The following COL9A1 variants were observed in gnomAD, a reference collection of about 807,000 sequenced individuals.
The protein encoded by COL9A1 is collagen type IX alpha 1 chain, also known as collagen alpha-1(IX) chain.
COL9A1 carries 104 observed loss-of-function variants against 142.6 expected under a neutral mutation model. The observed-to-expected ratio is 0.73, with a 90% CI of 0.62 to 0.86. The LOEUF (loss-of-function observed/expected upper bound fraction) is 0.86. Among genes scored for constraint, COL9A1 ranks in the 40% least tolerant of loss-of-function variants. The probability of loss-of-function intolerance (pLI) is 0.00; values close to 1 mark genes in which losing one functional copy is unlikely to be tolerated. For missense variants in COL9A1, 1,210 were observed against 1,176.6 expected, an observed-to-expected ratio of 1.03 and a Z score of -0.42; for synonymous variants, 466 against 396.0, an observed-to-expected ratio of 1.18 and a Z score of -2.10.
At chr6:70,217,160 C>A in intron 37 of COL9A1, 79 bp from the exon 38 acceptor site, 1 of 1,445,416 alleles carries the variant, frequency 6.9e-7, no homozygotes, top group Admixed American at 1.7e-5. Flanking sequence ...GGCTCAGCAG[C>A]GCTCAGATAA....
At chr6:70,253,559 G>A (rs570845083) in intron 25 of COL9A1, 130 bp from the exon 26 acceptor site, 7 of 706,132 alleles carry the variant, frequency 9.9e-6, no homozygotes, top group Middle Eastern at 2.5e-4. Context: ...TAAGGAAGAT[G>A]CTTCCTAGTT....
rs753066201 is a variant in COL9A1 at position 70,241,456 on chromosome 6, T to G, written c.1999-2A>C. The G allele has an allele frequency of 6.2e-7, 1 of 1,608,260 alleles. No homozygotes were observed. The highest frequency in any genetic ancestry group is 2.2e-5 in the East Asian group (1 of 44,864). On this transcript the variant is annotated splice_acceptor_variant, in intron 30 of 37. Coordinates refer to ENST00000357250, the MANE Select transcript of COL9A1 (RefSeq NM_001851.6). LOFTEE classifies it high-confidence loss of function. The stretch of plus-strand genomic sequence containing the variant: ...TGGACCCGGTTCACCGACTACACCC[T>G]GTAATAAATAAAATATAATACTTTT...
intron 4 of COL9A1, among the ~76,000 whole-genome samples, chr6:70,296,432 AATTATACAAGAACCATTGACTGACCT>A (rs1285958539): frequency 6.6e-6 from 1 of 152,128 alleles, no homozygotes; most frequent in African/African-American, 2.4e-5. Context: ...TACAGAAAAA[AATTATACAAGAACCATTGACTGACCT>A]ATTTTCCCCA....
At chr6:70,246,988 C>A (rs777943946) in intron 28 of COL9A1, among the ~76,000 whole-genome samples, 57 of 152,122 alleles carry the variant, frequency 3.7e-4, no homozygotes, top group Non-Finnish European at 7.1e-4. Context: ...ACATAAATCA[C>A]TTAGAACTAT....
chr6:70,216,855 C>T lies in COL9A1; in HGVS notation c.*42G>A. ...GGTGTTTCTCACCCAGGCTCCTTCACCAGGCGTGGTTCATGCAGACAGCCA... is the reference window on the plus strand; with the variant it reads ...GGTGTTTCTCACCCAGGCTCCTTCATCAGGCGTGGTTCATGCAGACAGCCA... On this transcript the variant is annotated 3_prime_UTR_variant, in exon 38 of 38. Transcript: ENST00000357250. 2 of 1,609,286 alleles carry T rather than the reference C, an allele frequency of 1.2e-6. No individual in the cohort carries two copies. The highest frequency in any genetic ancestry group is 1.7e-6 in the Non-Finnish European group (2 of 1,176,790).
rs1768520997 is a variant in COL9A1 at position 70,216,653 on chromosome 6, T to C, written c.*244A>G. On this transcript the variant is annotated 3_prime_UTR_variant, in exon 38 of 38. Transcript: ENST00000357250. ...TTTATTCAAGGGAGGTGTTTGGTTT[T>C]CTTTTTTTTTTTTTAACTGATGACT... 9.6e-6 allele frequency: 5 copies of C among 521,586 alleles called. No individual in the cohort carries two copies. The highest frequency in any genetic ancestry group is 1.4e-5 in the Non-Finnish European group (4 of 293,120). The allele number at this position is 521,586 out of a possible 1,614,324, so 32.3% of individuals were successfully genotyped here. A position where few individuals can be genotyped will look rare whatever the true frequency, so the allele number is the denominator to read the frequency against.
At chr6:70,275,595 G>T (rs946513395) in intron 10 of COL9A1, among the ~76,000 whole-genome samples, 3 of 151,784 alleles carry the variant, frequency 2.0e-5, no homozygotes. Flanking sequence ...TATAAAACAC[G>T]TATTAAAGAA....
In COL9A1 at chr6:70,251,323, T is replaced by A. The variant is rs150331712; in HGVS notation, c.1872+797A>T. Among the ~76,000 whole-genome samples the A allele has an allele frequency of 1.5e-4, 23 of 152,068 alleles. No individual in the cohort carries two copies. The East Asian group carries it at 3.7e-3, about 24-fold the overall frequency. On this transcript the variant is annotated intron_variant, in intron 28 of 37. Transcript: ENST00000357250. ...ATTTTGGGAAGCTGAGGCAGAAGGA[T>A]CTCTTGAAGCCGGGAGTTCAAGACC...
Position 70,217,094 on chromosome 6 carries a change from G to A in COL9A1, c.2582-13C>T. On this transcript the variant is annotated splice_polypyrimidine_tract_variant and intron_variant, in intron 37 of 37. Transcript: ENST00000357250. ...GGGCCTGGGTCACCTGAAACACACA[G>A]AAGATTGCACATGTGAACAGGAGAA... 1 of 1,613,724 alleles carries A rather than the reference G, an allele frequency of 6.2e-7. No individual in the cohort carries two copies. Among genetic ancestry groups the A allele is most frequent in the East Asian group, 2.2e-5 (1 of 44,880 alleles).
At position 70,294,512 on chromosome 6, in the gene COL9A1, A is replaced by T; in HGVS notation, c.351T>A (p.Phe117Leu). The part of the protein sequence containing the change: ...LPEEYSFLTT[F>L]RMTGSTLKKN... Reference sequence around the variant, plus strand: ...TTTTGAGAGTGCTTCCAGTCATTCGAAACGTCGTCAAGAAGGAGTATTCTT... The same window carrying T: ...TTTTGAGAGTGCTTCCAGTCATTCGTAACGTCGTCAAGAAGGAGTATTCTT... The change falls in exon 5 of 38, where the codon TTT becomes TTA. Residue 117 changes from phenylalanine to leucine, a missense_variant. Physicochemically the swap from Phe to Leu is conservative, Grantham distance 22. Coordinates refer to ENST00000357250, the MANE Select transcript of COL9A1 (RefSeq NM_001851.6). 6.2e-7 allele frequency: 1 copy of T among 1,614,092 alleles called. No individual in the cohort carries two copies. Among genetic ancestry groups the T allele is most frequent in the Non-Finnish European group, 8.5e-7 (1 of 1,179,962 alleles).
chr6:70,216,996 A>C lies in COL9A1; in HGVS notation c.2667T>G (p.Pro889=). ...PPGVAGIPGV[P]GPPGPPGLPG... ...GAAGCCCAGGAGGTCCCGGGGGTCC[A>C]GGCACTCCAGGAATTCCTGCCACCC... Residue 889 remains proline, a synonymous_variant, in exon 38 of 38, where the codon CCT becomes CCG. Transcript: ENST00000357250. 1.2e-6 allele frequency: 2 copies of C among 1,614,092 alleles called. No homozygotes were observed. Among genetic ancestry groups the C allele is most frequent in the Non-Finnish European group, 1.7e-6 (2 of 1,179,986 alleles).
chr6:70,269,896 G>A (rs2127589433), intron 15 of COL9A1, among the ~76,000 whole-genome samples: 1 of 152,250 alleles, frequency 6.6e-6, no homozygotes, highest in Non-Finnish European at 1.5e-5. Flanking sequence ...AACGAAATAA[G>A]AGGCAAAATA....
At chr6:70,254,337 T>C in intron 25 of COL9A1, 139 bp downstream of exon 25, 1 of 703,366 alleles carries the variant, frequency 1.4e-6, no homozygotes, top group Non-Finnish European at 2.4e-6. Flanking sequence ...AAAATACAAA[T>C]GTAAATTGTA....
At chr6:70,241,491 T>C in intron 30 of COL9A1, 37 bp from the exon 31 acceptor site, 1 of 1,564,322 alleles carries the variant, frequency 6.4e-7, no homozygotes, top group Non-Finnish European at 8.8e-7. Context: ...TTCAGTATTT[T>C]CAACTGTTTA....
At chr6:70,292,320 T>A (rs1773690902) in intron 5 of COL9A1, among the ~76,000 whole-genome samples, 1 of 152,322 alleles carries the variant, frequency 6.6e-6, no homozygotes, top group East Asian at 1.9e-4. Flanking sequence ...AGGAAGACAC[T>A]TGTACATGAT....
chr6:70,215,697 C>T (rs1768457886), downstream of COL9A1: 1 of 152,124 alleles, frequency 6.6e-6, no homozygotes, highest in Non-Finnish European at 1.5e-5. Context: ...AAACATAAAT[C>T]ATGTTTACAA....
At chr6:70,233,267 T>C (rs1247399312) in intron 35 of COL9A1, among the ~76,000 whole-genome samples, 1 of 152,208 alleles carries the variant, frequency 6.6e-6, no homozygotes, top group Non-Finnish European at 1.5e-5. Context: ...AGTTTGAAGA[T>C]ATTATATAAA....
At chr6:70,239,408 A>T (rs140683617) in intron 32 of COL9A1, 122 bp from the exon 33 acceptor site, 211 of 691,130 alleles carry the variant, frequency 3.1e-4, no homozygotes, top group Non-Finnish European at 4.7e-4. Flanking sequence ...TAACTCCGGC[A>T]CTGCAAAAAA....
Position 70,253,357 on chromosome 6 carries a change from T to C in COL9A1, c.1764+28A>G, listed in dbSNP as rs760236485. ...TAAATAATAAAGAAATTAAGAAAGA[T>C]ATTAACTTAAATTTTAAAATATTTT... is the stretch of plus-strand genomic sequence containing the variant. On this transcript the variant is annotated intron_variant, in intron 26 of 37. Coordinates refer to ENST00000357250, the MANE Select transcript of COL9A1 (RefSeq NM_001851.6). 1.0e-5 allele frequency: 15 copies of C among 1,442,718 alleles called. No homozygotes were observed. In the East Asian group the frequency reaches 1.4e-4, roughly 13 times the overall value. The allele number at this position is 1,442,718 out of a possible 1,614,324, so 89.4% of individuals were successfully genotyped here.
Sources: allele counts gnomAD v4.1 joint callset (sites outside exome capture counted in the v4.1 genomes callset), GRCh38; gene constraint gnomAD v4.1.1; transcripts MANE v1.5; gene names NCBI Gene and HGNC (gene_info 2026-07-23, HGNC 2026-07-21).